ANKRD13C: variants seen among roughly 807,000 people sequenced by gnomAD.
The protein encoded by ANKRD13C is ankyrin repeat domain-containing protein 13C.
ANKRD13C carries 16 observed loss-of-function variants against 65.5 expected under a neutral mutation model. The observed-to-expected ratio is 0.24, with a 90% CI of 0.17 to 0.37. The LOEUF (loss-of-function observed/expected upper bound fraction) is 0.37. Among genes scored for constraint, ANKRD13C ranks in the 10% least tolerant of loss-of-function variants. The probability of loss-of-function intolerance (pLI) is 1.00; values close to 1 mark genes in which losing one functional copy is unlikely to be tolerated. For synonymous variants in ANKRD13C, 235 were observed against 238.7 expected (o/e 0.98, Z 0.14); for missense variants, 503 against 655.9 (o/e 0.77, Z 2.55).
Position 70,259,654 on chromosome 1 carries a change from GCTTTTACCAAGCTTAGTTCTGCTATCTAT to G in ANKRD13C, c.*3034_*3062del, listed in dbSNP as rs1678329635. ...ATTTATAGTATACAAACAATCATGGGCTTTTACCAAGCTTAGTTCTGCTATCTATCTTTACAAGTGACTTAATACCTCCT... is the reference window on the plus strand; with the variant it reads ...ATTTATAGTATACAAACAATCATGGGCTTTACAAGTGACTTAATACCTCCT... On this transcript the variant is annotated 3_prime_UTR_variant, in exon 13 of 13. Coordinates refer to ENST00000370944, the MANE Select transcript of ANKRD13C (RefSeq NM_030816.5). Among the ~76,000 whole-genome samples the G allele has an allele frequency of 6.6e-6, 1 of 152,128 alleles. No homozygotes were observed. Among genetic ancestry groups the G allele is most frequent in the African/African-American group, 2.4e-5 (1 of 41,446 alleles).
chr1:70,325,077 T>C, intron 2 of ANKRD13C, 120 bp from the exon 3 acceptor site: 2 of 595,808 alleles, frequency 3.4e-6, no homozygotes, highest in Non-Finnish European at 5.2e-6. Flanking sequence ...CATTGTACCA[T>C]GTAGAATTAT....
intron 5 of ANKRD13C, among the ~76,000 whole-genome samples, chr1:70,312,476 A>G (rs1191146358): frequency 1.3e-5 from 2 of 151,724 alleles, no homozygotes; most frequent in Admixed American, 6.6e-5. Context: ...AGTAATCTCC[A>G]TTTCACAGTC....
At chr1:70,297,581 C>T (rs1391040224) in intron 7 of ANKRD13C, among the ~76,000 whole-genome samples, 8 of 148,914 alleles carry the variant, frequency 5.4e-5, no homozygotes, top group Non-Finnish European at 1.0e-4. Flanking sequence ...CATGAGCCAC[C>T]GTGCCCAGCC....
intron 2 of ANKRD13C, among the ~76,000 whole-genome samples, chr1:70,333,326 AAAAAAAAAG>A (rs1051623938): frequency 1.3e-5 from 2 of 151,578 alleles, no homozygotes; most frequent in African/African-American, 4.8e-5. Flanking sequence ...TGTTCTTTGA[AAAAAAAAAG>A]CGCAAGTTTT....
intron 1 of ANKRD13C, among the ~76,000 whole-genome samples, chr1:70,353,332 CTATTAGCAAT>C: frequency 6.6e-6 from 1 of 152,286 alleles, no homozygotes; most frequent in East Asian, 1.9e-4. Context: ...TGAGACATTA[CTATTAGCAAT>C]TATCTACTTA....
At chr1:70,307,732 C>T (rs1349828110) in intron 5 of ANKRD13C, among the ~76,000 whole-genome samples, 1 of 152,032 alleles carries the variant, frequency 6.6e-6, no homozygotes, top group Non-Finnish European at 1.5e-5. Context: ...CTGTTTGAGC[C>T]CAGGAGCTTG....
At chr1:70,265,913 G>T (rs1216469369) in intron 12 of ANKRD13C, among the ~76,000 whole-genome samples, 3 of 149,750 alleles carry the variant, frequency 2.0e-5, no homozygotes, top group African/African-American at 7.4e-5. Context: ...GAGGACGGAA[G>T]GAAAGAGAGA....
chr1:70,304,791 AAATT>A (rs1388790741), intron 6 of ANKRD13C, among the ~76,000 whole-genome samples: 1 of 152,224 alleles, frequency 6.6e-6, no homozygotes, highest in African/African-American at 2.4e-5. Flanking sequence ...AAAAATGTCT[AAATT>A]AATGAAACCA....
At chr1:70,352,184 A>G (rs1169596710) in intron 1 of ANKRD13C, among the ~76,000 whole-genome samples, 1 of 150,266 alleles carries the variant, frequency 6.7e-6, no homozygotes, top group African/African-American at 2.5e-5. Flanking sequence ...CTAAAATTAC[A>G]AAAAAATTAG....
At chr1:70,326,566 G>A (rs757794089) in intron 2 of ANKRD13C, among the ~76,000 whole-genome samples, 3 of 152,036 alleles carry the variant, frequency 2.0e-5, no homozygotes, top group Non-Finnish European at 4.4e-5. Context: ...TACTAGCAGG[G>A]AACTTTATCA....
At chr1:70,270,556 G>A (rs944444014) in intron 12 of ANKRD13C, among the ~76,000 whole-genome samples, 3 of 152,098 alleles carry the variant, frequency 2.0e-5, no homozygotes, top group East Asian at 1.9e-4. Flanking sequence ...TCTCAGATCA[G>A]GCATTAGATT....
At chr1:70,331,885 T>G (rs1681823044) in intron 2 of ANKRD13C, among the ~76,000 whole-genome samples, 1 of 144,756 alleles carries the variant, frequency 6.9e-6, no homozygotes, top group Non-Finnish European at 1.5e-5. Flanking sequence ...TTCCACTACA[T>G]ATTCTAATCT....
At chr1:70,332,056 G>T (rs897489378) in intron 2 of ANKRD13C, among the ~76,000 whole-genome samples, 3 of 152,100 alleles carry the variant, frequency 2.0e-5, no homozygotes, top group Admixed American at 1.3e-4. Flanking sequence ...GTATGTAATT[G>T]GTTGTGTCTA....
intron 1 of ANKRD13C, among the ~76,000 whole-genome samples, chr1:70,351,821 A>G (rs1682754457): frequency 2.6e-5 from 4 of 152,322 alleles, no homozygotes; most frequent in South Asian, 4.1e-4. Flanking sequence ...GTAATAATGT[A>G]TCAGAAAAAT....
intron 9 of ANKRD13C, among the ~76,000 whole-genome samples, chr1:70,285,136 T>C (rs1679559885): frequency 6.6e-6 from 1 of 152,110 alleles, no homozygotes; most frequent in Non-Finnish European, 1.5e-5. Flanking sequence ...TGTTCTTATA[T>C]TGTCAGCTGT....
chr1:70,326,441 A>G (rs1558303150), intron 2 of ANKRD13C, among the ~76,000 whole-genome samples: 1 of 152,148 alleles, frequency 6.6e-6, no homozygotes, highest in Non-Finnish European at 1.5e-5. Context: ...ATGCAAGATA[A>G]TGATAAGTGC....
chr1:70,300,291 T>TA (rs1266341336), intron 7 of ANKRD13C, among the ~76,000 whole-genome samples: 2 of 151,934 alleles, frequency 1.3e-5, no homozygotes, highest in Admixed American at 6.6e-5. Flanking sequence ...GATAGAAATA[T>TA]AAAAAATGAA....
chr1:70,277,655 T>G (rs1054454083), intron 9 of ANKRD13C, among the ~76,000 whole-genome samples: 22 of 152,096 alleles, frequency 1.4e-4, no homozygotes, highest in African/African-American at 4.8e-4. Flanking sequence ...GCAATTGGAC[T>G]TCAGATTTAA....
intron 9 of ANKRD13C, among the ~76,000 whole-genome samples, chr1:70,287,220 G>A (rs1679661344): frequency 1.3e-5 from 2 of 152,066 alleles, no homozygotes; most frequent in Admixed American, 6.5e-5. Flanking sequence ...TAAATGAAGA[G>A]ATGCACCATG....
Sources: allele counts gnomAD v4.1 joint callset (sites outside exome capture counted in the v4.1 genomes callset), GRCh38; gene constraint gnomAD v4.1.1; transcripts MANE v1.5; gene names NCBI Gene and HGNC (gene_info 2026-07-23, HGNC 2026-07-21).